The following PCDHGB2 variants were observed in gnomAD, a reference collection of about 807,000 sequenced individuals.
The protein encoded by PCDHGB2 is protocadherin gamma-B2.
Under a neutral mutation model 59.3 loss-of-function variants are expected in PCDHGB2, and 55 were observed. That is an observed-to-expected ratio of 0.93 (90% confidence interval 0.75 to 1.16). The LOEUF (loss-of-function observed/expected upper bound fraction) is 1.16. Among genes scored for constraint, PCDHGB2 ranks in the 50% most tolerant of loss-of-function variants. PCDHGB2 has a pLI of 0.00. For missense variants in PCDHGB2, 1,228 were observed against 1,198.5 expected (o/e 1.02, Z -0.36); for synonymous variants, 516 against 512.0 (o/e 1.01, Z -0.11).
Position 141,489,565 on chromosome 5 carries a change from G to C in PCDHGB2, c.2422-5242G>C. The C allele has an allele frequency of 6.2e-7, 1 of 1,614,118 alleles. No homozygotes were observed. ...CAGCTGCCTGCTGCCAGTGCAGGTGGTGACTGAACACCCCCTGGAGCTAAT... is the reference window on the plus strand; with the variant it reads ...CAGCTGCCTGCTGCCAGTGCAGGTGCTGACTGAACACCCCCTGGAGCTAAT... On this transcript the variant is annotated intron_variant, in intron 1 of 3. Coordinates refer to ENST00000522605, the MANE Select transcript of PCDHGB2 (RefSeq NM_018923.3). This position sits in a 1 kb window ranked among gnomAD's most constrained non-coding sequence, Gnocchi z 4.5.
At chr5:141,413,012 A>T in intron 1 of PCDHGB2, 1 of 657,714 alleles carries the variant, frequency 1.5e-6, no homozygotes, top group Non-Finnish European at 2.5e-6. Context: ...GGCTTCAACT[A>T]CACAAGCCCC....
Position 141,487,831 on chromosome 5 carries a change from A to G in PCDHGB2, c.2422-6976A>G, listed in dbSNP as rs1001896359. ...TTAGCATTGGGGGCGGGTCATGCCTATATCTGAGTAAGAAATGAAAGTAAT... is the reference window on the plus strand; with the variant it reads ...TTAGCATTGGGGGCGGGTCATGCCTGTATCTGAGTAAGAAATGAAAGTAAT... On this transcript the variant is annotated intron_variant, in intron 1 of 3. Transcript: ENST00000522605. This position sits in a 1 kb window ranked among gnomAD's most constrained non-coding sequence, Gnocchi z 5.0. The G allele has an allele frequency of 1.1e-5, 13 of 1,144,204 alleles. No homozygotes were observed. Among genetic ancestry groups the G allele is most frequent in the Non-Finnish European group, 1.6e-5 (13 of 818,302 alleles). 70.9% of individuals were successfully genotyped at this position (1,144,204 alleles called of 1,614,324 possible). A position where few individuals can be genotyped will look rare whatever the true frequency, so the allele number is the denominator to read the frequency against.
Position 141,490,526 on chromosome 5 carries a change from C to T in PCDHGB2, c.2422-4281C>T, listed in dbSNP as rs1270447529. 6.2e-7 allele frequency: 1 copy of T among 1,614,116 alleles called. No homozygotes were observed. Among genetic ancestry groups the T allele is most frequent in the Non-Finnish European group, 8.5e-7 (1 of 1,180,008 alleles). ...ATCATCGAGCTGCTGGCCAGCGATGCTGGTTCACCTTCCCTACACAAACAT... is the reference window on the plus strand; with the variant it reads ...ATCATCGAGCTGCTGGCCAGCGATGTTGGTTCACCTTCCCTACACAAACAT... On this transcript the variant is annotated intron_variant, in intron 1 of 3. Coordinates refer to ENST00000522605, the MANE Select transcript of PCDHGB2 (RefSeq NM_018923.3). The surrounding 1 kb of genome is among the most constrained non-coding windows in gnomAD (Gnocchi z 5.4).
At chr5:141,403,267 C>A in intron 1 of PCDHGB2, 1 of 1,613,888 alleles carries the variant, frequency 6.2e-7, no homozygotes, top group Non-Finnish European at 8.5e-7. Context: ...GTCTGGTGAA[C>A]TTTAAAGTCC....
chr5:141,460,848 C>T lies in PCDHGB2; in HGVS notation c.2422-33959C>T, dbSNP rs528601988. Among the ~76,000 whole-genome samples, 257 of 150,340 alleles carry T rather than the reference C, an allele frequency of 1.7e-3. 1 individual carries two copies. The highest frequency in any genetic ancestry group is 4.2e-3 in the Admixed American group (62 of 14,868). ...ACACTTAAAGTAATGGCCTCCAGTT[C>T]GATCCAAGTTGCTGCAAAGGACATT... is the stretch of plus-strand genomic sequence containing the variant. On this transcript the variant is annotated intron_variant, in intron 1 of 3. Transcript: ENST00000522605.
chr5:141,393,659 G>GA (rs1276688380), intron 1 of PCDHGB2: 7 of 1,613,880 alleles, frequency 4.3e-6, no homozygotes, highest in Middle Eastern at 1.6e-4. Context: ...ACAAATTCCG[G>GA]AAAATTAATG....
chr5:141,492,071 C>T (rs992716777), intron 1 of PCDHGB2: 7 of 481,874 alleles, frequency 1.5e-5, no homozygotes, highest in African/African-American at 1.4e-4. Context: ...CTCCTAGGCG[C>T]CGGCTCCGGC....
chr5:141,428,233 C>A, intron 1 of PCDHGB2: 1 of 1,049,106 alleles, frequency 9.5e-7, no homozygotes, highest in Non-Finnish European at 1.4e-6. Context: ...AGACAGCCTG[C>A]AGGAGGCACT....
rs530356030 is a variant in PCDHGB2 at position 141,426,463 on chromosome 5, GATTT to G, written c.2421+63911_2421+63914del. 309 of 318,428 alleles carry G rather than the reference GATTT, an allele frequency of 9.7e-4. 2 individuals are homozygous for G. Among genetic ancestry groups the G allele is most frequent in the Non-Finnish European group, 1.6e-3 (252 of 160,518 alleles). 19.7% of individuals were successfully genotyped at this position (318,428 alleles called of 1,614,324 possible). A position where few individuals can be genotyped will look rare whatever the true frequency, so the allele number is the denominator to read the frequency against. ...GGAGGACATGCGGCTGCATGTTCAGGATTTATTGACCTGAAACCTTAGAGTTAGT... is the reference window on the plus strand; with the variant it reads ...GGAGGACATGCGGCTGCATGTTCAGGATTGACCTGAAACCTTAGAGTTAGT... On this transcript the variant is annotated intron_variant, in intron 1 of 3. Transcript: ENST00000522605.
rs371836659 is a variant in PCDHGB2 at position 141,361,005 on chromosome 5, C to T, written c.870C>T (p.His290=). The change falls in exon 1 of 4, where the codon CAC becomes CAT. Residue 290 remains histidine (H), a synonymous_variant. Transcript: ENST00000522605. ...SFHNVDEQVK[H]FFNLNEKTGE... ...ATAATGTGGACGAACAAGTGAAACA[C>T]TTTTTCAACTTAAATGAAAAAACAG... The T allele has an allele frequency of 1.9e-6, 3 of 1,613,186 alleles. No individual in the cohort carries two copies. The highest frequency in any genetic ancestry group is 2.5e-6 in the Non-Finnish European group (3 of 1,179,534).
At chr5:141,460,882 C>G (rs2098999926) in intron 1 of PCDHGB2, among the ~76,000 whole-genome samples, 1 of 149,600 alleles carries the variant, frequency 6.7e-6, no homozygotes, top group Non-Finnish European at 1.5e-5. Context: ...TTATTTCATG[C>G]CTTTTCGTGG....
chr5:141,397,509 T>G (rs2093532710), intron 1 of PCDHGB2, among the ~76,000 whole-genome samples: 1 of 152,204 alleles, frequency 6.6e-6, no homozygotes, highest in African/African-American at 2.4e-5. Flanking sequence ...TAAAATTGTT[T>G]CCATAGCTAA....
chr5:141,487,623 C>T lies in PCDHGB2; in HGVS notation c.2422-7184C>T, dbSNP rs2099654624. On this transcript the variant is annotated intron_variant, in intron 1 of 3. Coordinates refer to ENST00000522605, the MANE Select transcript of PCDHGB2 (RefSeq NM_018923.3). This position sits in a 1 kb window ranked among gnomAD's most constrained non-coding sequence, Gnocchi z 5.0. The stretch of plus-strand genomic sequence containing the variant: ...CTTCTCTATGGGCTAGAGGTGAGAC[C>T]TTTGCAGGCTCAACAAATGCTTGAG... 6.2e-7 allele frequency: 1 copy of T among 1,614,088 alleles called. No individual in the cohort carries two copies. The highest frequency in any genetic ancestry group is 1.3e-5 in the African/African-American group (1 of 74,930).
At position 141,494,838 on chromosome 5, in the gene PCDHGB2, C is replaced by T; in HGVS notation, c.2453C>T (p.Ser818Phe). 4.3e-6 allele frequency: 7 copies of T among 1,614,166 alleles called. No homozygotes were observed. Among genetic ancestry groups the T allele is most frequent in the Non-Finnish European group, 3.4e-6 (4 of 1,180,032 alleles). Residue 818 changes from serine (S) to phenylalanine (F), a missense_variant, in exon 2 of 4, where the codon TCT becomes TTT. By Grantham distance (155) the Ser-to-Phe change is radical. Transcript: ENST00000522605. ...CCGCCCAACACGGACTGGCGTTTCT[C>T]TCAGGCCCAGAGACCCGGCACCAGC... ...QAPPNTDWRF[S>F]QAQRPGTSGS...
chr5:141,507,296 C>T (rs1020117646), intron 3 of PCDHGB2: 1 of 141,360 alleles, frequency 7.1e-6, no homozygotes, highest in Non-Finnish European at 1.5e-5. Flanking sequence ...TCAAATGTTG[C>T]ATGAGACATA....
intron 1 of PCDHGB2, chr5:141,384,288 G>T (rs1367965791): frequency 1.9e-6 from 3 of 1,613,666 alleles, no homozygotes; most frequent in Non-Finnish European, 2.5e-6. Flanking sequence ...ACATCGCTGA[G>T]AACAACCCCA....
chr5:141,364,876 G>C (rs1763590066), intron 1 of PCDHGB2: 1 of 1,613,964 alleles, frequency 6.2e-7, no homozygotes. Flanking sequence ...CTCTGGATGT[G>C]GTAAGCGGAA....
intron 1 of PCDHGB2, chr5:141,403,791 A>T: frequency 6.2e-7 from 1 of 1,613,900 alleles, no homozygotes. Context: ...GTGGCATACA[A>T]ATTCTGGAAA....
Position 141,490,931 on chromosome 5 carries a change from T to C in PCDHGB2, c.2422-3876T>C. 1 of 1,613,780 alleles carries C rather than the reference T, an allele frequency of 6.2e-7. No individual in the cohort carries two copies. Among genetic ancestry groups the C allele is most frequent in the East Asian group, 2.2e-5 (1 of 44,872 alleles). ...GACGAGAATGATAATGCCCCAGCTG[T>C]GCTGCACCCACGGCCAGACTGGGAA... On this transcript the variant is annotated intron_variant, in intron 1 of 3. Transcript: ENST00000522605. This position sits in a 1 kb window ranked among gnomAD's most constrained non-coding sequence, Gnocchi z 5.4.
Sources: gnomAD v4.1 joint callset for allele counts (sites outside exome capture counted in the v4.1 genomes callset) on GRCh38, gnomAD v4.1.1 for gene constraint, Gnocchi (gnomAD v3.1) non-coding constraint, MANE v1.5 for transcripts, NCBI Gene and HGNC (gene_info 2026-07-23, HGNC 2026-07-21) for gene names.